Variants in HDAC4 observed in about 807,000 individuals in gnomAD.
HDAC4 encodes histone deacetylase A.
In HDAC4, 16 loss-of-function variants were observed where a neutral mutation model predicts 135.1. That is an observed-to-expected ratio of 0.12 (90% CI 0.08 to 0.18). The LOEUF (loss-of-function observed/expected upper bound fraction) is 0.18. HDAC4 is among the 10% of genes least tolerant of loss of function. HDAC4 has a pLI of 1.00. For missense variants in HDAC4, 1,143 were observed against 1,511.8 expected, an observed-to-expected ratio of 0.76 and a Z score of 4.05; for synonymous variants, 685 against 653.4, an observed-to-expected ratio of 1.05 and a Z score of -0.74.
chr2:239,327,318 A>C (rs751353860), intron 2 of HDAC4, among the ~76,000 whole-genome samples: 1 of 152,108 alleles, frequency 6.6e-6, no homozygotes, highest in Admixed American at 6.5e-5. Context: ...GGGCCCGATG[A>C]ACGTTCCTCC....
In HDAC4 at chr2:239,240,174, G is replaced by A. The variant is rs2153188709; in HGVS notation, c.23-3510C>T. ...ATCCTGGGGGTAAAGCAGTGGCGGTGAGTGCACTTTGCAGGCGCAGGGGCC... is the reference window on the plus strand; with the variant it reads ...ATCCTGGGGGTAAAGCAGTGGCGGTAAGTGCACTTTGCAGGCGCAGGGGCC... On this transcript the variant is annotated intron_variant, in intron 2 of 26. Transcript: ENST00000543185. This position sits in a 1 kb window ranked among gnomAD's most constrained non-coding sequence, Gnocchi z 4.5. Among the ~76,000 whole-genome samples the A allele has an allele frequency of 6.6e-6, 1 of 152,374 alleles. No individual in the cohort carries two copies. The highest frequency in any genetic ancestry group is 3.4e-3 in the Middle Eastern group (1 of 294).
chr2:239,212,360 T>C (rs2046391999), intron 3 of HDAC4, among the ~76,000 whole-genome samples: 1 of 151,862 alleles, frequency 6.6e-6, no homozygotes, highest in Non-Finnish European at 1.5e-5. Flanking sequence ...CTGACCCGAC[T>C]CCCTCAACCC....
At chr2:239,293,425 G>C (rs960786398) in intron 2 of HDAC4, among the ~76,000 whole-genome samples, 2 of 152,198 alleles carry the variant, frequency 1.3e-5, no homozygotes, top group African/African-American at 4.8e-5. Context: ...TTTGAGAAGG[G>C]CCCTACCCTC....
At chr2:239,063,771 C>G (rs1256554144) in intron 24 of HDAC4, among the ~76,000 whole-genome samples, 1 of 152,228 alleles carries the variant, frequency 6.6e-6, no homozygotes, top group Non-Finnish European at 1.5e-5. Flanking sequence ...GTCACCCTGC[C>G]CTTGGCGTCC....
chr2:239,117,072 A>G (rs74000673), intron 12 of HDAC4, among the ~76,000 whole-genome samples: 13,353 of 152,230 alleles, frequency 0.088, 1,988 homozygotes, highest in African/African-American at 0.31. Flanking sequence ...ACATTCACTA[A>G]AAGGATGGGG....
chr2:239,186,557 C>T (rs1350864974), intron 4 of HDAC4: 1 of 152,242 alleles, frequency 6.6e-6, no homozygotes, highest in Non-Finnish European at 1.5e-5. Context: ...GACCCTGGCC[C>T]AGAGACTGGC....
chr2:239,207,895 TAA>T (rs1230388690), intron 3 of HDAC4, among the ~76,000 whole-genome samples: 1 of 152,008 alleles, frequency 6.6e-6, no homozygotes, highest in African/African-American at 2.4e-5. Context: ...GGGCAAAGTA[TAA>T]AAAAGACAGA....
intron 8 of HDAC4, among the ~76,000 whole-genome samples, chr2:239,140,305 G>A (rs375630879): frequency 1.3e-5 from 2 of 152,132 alleles, no homozygotes; most frequent in South Asian, 2.1e-4. Context: ...AGATCTATCC[G>A]TGCTACTGGA....
At chr2:239,184,415 T>TG (rs1441591648) in intron 4 of HDAC4, among the ~76,000 whole-genome samples, 80 of 125,488 alleles carry the variant, frequency 6.4e-4, no homozygotes, top group Admixed American at 2.3e-3. Context: ...CTGTGCCCTA[T>TG]GGGGGGGTCC....
Position 239,303,379 on chromosome 2 carries a change from A to G in HDAC4, c.22+49299T>C, listed in dbSNP as rs1051055275. Among the ~76,000 whole-genome samples the G allele has an allele frequency of 6.6e-6, 1 of 152,188 alleles. No homozygotes were observed. On this transcript the variant is annotated intron_variant, in intron 2 of 26. Transcript: ENST00000543185. This position sits in a 1 kb window ranked among gnomAD's most constrained non-coding sequence, Gnocchi z 5.1. ...CATCAAGACCCGCCGTCTGGTGTGA[A>G]GGGAAACGTCCCTCACCCTTCTGCA...
rs1030744160 is a variant in HDAC4 at position 239,378,349 on chromosome 2, A to G, written c.-220+22629T>C. Among the ~76,000 whole-genome samples, 5 of 152,294 alleles carry G rather than the reference A, an allele frequency of 3.3e-5. No individual in the cohort carries two copies. In the East Asian group the frequency reaches 9.7e-4, roughly 29 times the overall value. On this transcript the variant is annotated intron_variant, in intron 1 of 26. Transcript: ENST00000543185. ...GACGGAGTTGGCAGCTGGGGTCCAC[A>G]CGATGATGGCCTGGAAGAGGGAAGG... is the stretch of plus-strand genomic sequence containing the variant.
intron 2 of HDAC4, among the ~76,000 whole-genome samples, chr2:239,324,141 A>G (rs1559364255): frequency 6.6e-6 from 1 of 152,234 alleles, no homozygotes; most frequent in African/African-American, 2.4e-5. Flanking sequence ...ACGCACATAA[A>G]TAAGAAATCT....
At chr2:239,255,552 A>G (rs1456900138) in intron 2 of HDAC4, among the ~76,000 whole-genome samples, 1 of 152,312 alleles carries the variant, frequency 6.6e-6, no homozygotes, top group Middle Eastern at 3.4e-3. Flanking sequence ...CTAATGAAAT[A>G]AGAATTAAGT....
At chr2:239,081,070 T>C (rs1253398731) in intron 22 of HDAC4, 25 bp downstream of exon 22, 4 of 1,542,138 alleles carry the variant, frequency 2.6e-6, no homozygotes, top group African/African-American at 2.7e-5. Flanking sequence ...CTACTTCAGG[T>C]GTCATGTGAA....
chr2:239,053,193 G>C, intron 26 of HDAC4, 57 bp from the exon 27 acceptor site: 3 of 1,603,812 alleles, frequency 1.9e-6, no homozygotes, highest in Non-Finnish European at 2.6e-6. Flanking sequence ...CCACAGAGAG[G>C]AGAGAACAGA....
At chr2:239,335,427 C>A (rs1575709896) in intron 2 of HDAC4, among the ~76,000 whole-genome samples, 1 of 105,384 alleles carries the variant, frequency 9.5e-6, no homozygotes, top group Non-Finnish European at 1.9e-5. Context: ...TGAAGTTTAT[C>A]AAAAATAATA....
At chr2:239,350,724 A>C (rs1040076702) in intron 2 of HDAC4, among the ~76,000 whole-genome samples, 2 of 152,142 alleles carry the variant, frequency 1.3e-5, no homozygotes, top group Non-Finnish European at 2.9e-5. Flanking sequence ...GAATGGTCTC[A>C]ATCTCTTGAC....
intron 3 of HDAC4, among the ~76,000 whole-genome samples, chr2:239,220,411 T>G (rs560872702): frequency 6.6e-6 from 1 of 152,168 alleles, no homozygotes; most frequent in East Asian, 1.9e-4. Context: ...ACTAGAAAAT[T>G]AAAGCATACA....
chr2:239,161,832 G>A (rs3791515), intron 6 of HDAC4: 250,428 of 387,828 alleles, frequency 0.65, 83,282 homozygotes, highest in South Asian at 0.78. Flanking sequence ...CTCCTCCCTG[G>A]AAGCCCCCCA....
Sources: gnomAD v4.1 joint callset for allele counts (sites outside exome capture counted in the v4.1 genomes callset) on GRCh38, gnomAD v4.1.1 for gene constraint, Gnocchi (gnomAD v3.1) non-coding constraint, MANE v1.5 for transcripts, NCBI Gene and HGNC (gene_info 2026-07-23, HGNC 2026-07-21) for gene names.